The following SYT1 variants were observed in gnomAD, a reference collection of about 807,000 sequenced individuals.
SYT1 encodes the protein synaptotagmin-1.
Under a neutral mutation model 44.8 loss-of-function variants are expected in SYT1, and 8 were observed. That is an observed-to-expected ratio of 0.18 (90% CI 0.10 to 0.32). The LOEUF is 0.32. SYT1 is among the 10% of genes least tolerant of loss of function. SYT1 has a pLI of 1.00. For synonymous variants in SYT1, 154 were observed against 188.8 expected (o/e 0.82, Z 1.51); for missense variants, 286 against 509.3 (o/e 0.56, Z 4.22).
intron 3 of SYT1, among the ~76,000 whole-genome samples, chr12:79,128,821 C>T (rs886877797): frequency 6.6e-6 from 1 of 152,020 alleles, no homozygotes; most frequent in African/African-American, 2.4e-5. Flanking sequence ...TCATACTTAC[C>T]TTACTAACTT....
intron 4 of SYT1, among the ~76,000 whole-genome samples, chr12:79,243,686 T>TCTACTC (rs1876648062): frequency 6.6e-6 from 1 of 152,098 alleles, no homozygotes; most frequent in Admixed American, 6.5e-5. Flanking sequence ...ATTTCAAACC[T>TCTACTC]CTACTCCTTA....
chr12:79,090,645 A>G (rs1877711639), intron 3 of SYT1, among the ~76,000 whole-genome samples: 1 of 152,064 alleles, frequency 6.6e-6, no homozygotes, highest in Admixed American at 6.6e-5. Context: ...ACAGATTCAC[A>G]GGAAAAAGCA....
At chr12:79,390,891 C>T (rs1287999981) in intron 9 of SYT1, among the ~76,000 whole-genome samples, 1 of 152,144 alleles carries the variant, frequency 6.6e-6, no homozygotes, top group Non-Finnish European at 1.5e-5. Flanking sequence ...AGTAGCCTTC[C>T]CCAGAACCTG....
rs183124324 is a variant in SYT1, at chr12:79,254,478, C to T, written c.167-31309C>T. 8.5e-5 allele frequency among the ~76,000 whole-genome samples: 13 copies of T among 152,260 alleles called. No homozygotes were observed. In the East Asian group the frequency reaches 9.6e-4, roughly 11 times the overall value. On this transcript the variant is annotated intron_variant, in intron 4 of 10. Transcript: ENST00000261205. ...AGTCACCCAAGAGCTCTGATGAAGA[C>T]GCAGGAGGAGATTGATGTTGTTTTC...
At chr12:79,353,311 T>TA (rs143147207) in intron 8 of SYT1, among the ~76,000 whole-genome samples, 191 bp from the exon 9 acceptor site, 53 of 146,158 alleles carry the variant, frequency 3.6e-4, no homozygotes, top group East Asian at 4.0e-4. Flanking sequence ...TAGATGGTCT[T>TA]AAAAAAAAAA....
intron 4 of SYT1, among the ~76,000 whole-genome samples, chr12:79,253,943 G>A (rs964562060): frequency 6.6e-5 from 10 of 152,130 alleles, no homozygotes; most frequent in Non-Finnish European, 1.0e-4. Context: ...AGAGGTAAGG[G>A]AGCTGCAGAA....
chr12:79,144,352 C>T (rs1358295908), intron 3 of SYT1, among the ~76,000 whole-genome samples: 2 of 152,180 alleles, frequency 1.3e-5, no homozygotes, highest in Non-Finnish European at 2.9e-5. Context: ...CTATCAGTCC[C>T]AGGGCTCAAA....
At chr12:79,431,312 T>C (rs189264119) in intron 9 of SYT1, among the ~76,000 whole-genome samples, 1,633 of 152,268 alleles carry the variant, frequency 0.011, 10 homozygotes, top group Non-Finnish European at 0.015. Flanking sequence ...TGTCAAGAAA[T>C]TTCTTTTGTC....
chr12:79,335,386 G>T (rs1208212223), intron 8 of SYT1, among the ~76,000 whole-genome samples: 2 of 144,044 alleles, frequency 1.4e-5, no homozygotes, highest in Non-Finnish European at 3.0e-5. Flanking sequence ...TGTGTTCTCT[G>T]ATGCTTTTTT....
intron 3 of SYT1, among the ~76,000 whole-genome samples, chr12:79,095,234 C>G (rs1221747437): frequency 6.6e-6 from 1 of 151,806 alleles, no homozygotes; most frequent in African/African-American, 2.4e-5. Context: ...TAAACTAATT[C>G]TTACAAGTAT....
intron 9 of SYT1, among the ~76,000 whole-genome samples, chr12:79,380,277 G>A (rs951561258): frequency 5.3e-5 from 8 of 152,322 alleles, no homozygotes; most frequent in Admixed American, 5.2e-4. Flanking sequence ...ACAAGTCCCA[G>A]AGTTTAGAGA....
intron 2 of SYT1, among the ~76,000 whole-genome samples, chr12:78,980,509 G>C (rs1869170045): frequency 6.6e-6 from 1 of 152,114 alleles, no homozygotes. Context: ...TAGTTTTGAA[G>C]ATTGTATTTA....
At chr12:79,053,195 A>C (rs1430200495) in intron 3 of SYT1, among the ~76,000 whole-genome samples, 1 of 152,202 alleles carries the variant, frequency 6.6e-6, no homozygotes, top group Non-Finnish European at 1.5e-5. Flanking sequence ...TGATGAGTTC[A>C]TGTCCTTTGT....
chr12:79,199,230 C>T (rs1873638084), intron 3 of SYT1, among the ~76,000 whole-genome samples: 1 of 152,128 alleles, frequency 6.6e-6, no homozygotes. Flanking sequence ...TGGACTTCTA[C>T]AAAGTGCATC....
intron 8 of SYT1, among the ~76,000 whole-genome samples, chr12:79,317,317 T>G (rs577390656): frequency 6.6e-6 from 1 of 152,240 alleles, no homozygotes; most frequent in Non-Finnish European, 1.5e-5. Flanking sequence ...GCCTACTTTA[T>G]GCAAAACAAC....
At chr12:79,423,509 A>G (rs1165190380) in intron 9 of SYT1, among the ~76,000 whole-genome samples, 12 of 152,140 alleles carry the variant, frequency 7.9e-5, no homozygotes, top group Non-Finnish European at 1.5e-5. Flanking sequence ...AGACATAGAC[A>G]AACACACATA....
chr12:78,868,883 A>T (rs1873679823), intron 1 of SYT1: 2 of 151,838 alleles, frequency 1.3e-5, no homozygotes, highest in African/African-American at 4.8e-5. Flanking sequence ...AAAAACTCTC[A>T]GTACAAGATG....
chr12:79,243,242 C>G (rs757453197), intron 4 of SYT1, among the ~76,000 whole-genome samples: 1 of 152,150 alleles, frequency 6.6e-6, no homozygotes, highest in East Asian at 1.9e-4. Context: ...ATCAAATAGT[C>G]TCCAAAATGT....
intron 3 of SYT1, among the ~76,000 whole-genome samples, chr12:79,058,536 C>T (rs1450726679): frequency 2.0e-5 from 3 of 152,014 alleles, no homozygotes; most frequent in Non-Finnish European, 4.4e-5. Flanking sequence ...TCTAACCCAA[C>T]TTATCTCTTG....
Sources: gnomAD v4.1 joint callset for allele counts (sites outside exome capture counted in the v4.1 genomes callset) on GRCh38, gnomAD v4.1.1 for gene constraint, MANE v1.5 for transcripts, NCBI Gene and HGNC (gene_info 2026-07-23, HGNC 2026-07-21) for gene names.